The following CFAP251 variants were observed in gnomAD, a reference collection of about 807,000 sequenced individuals.
CFAP251 encodes the protein cilia- and flagella-associated protein 251.
CFAP251 carries 93 observed loss-of-function variants against 126.7 expected under a neutral mutation model. The observed-to-expected ratio is 0.73, with a 90% CI of 0.62 to 0.87. The LOEUF (loss-of-function observed/expected upper bound fraction) is 0.87, where lower values mean the gene tolerates loss of function less well. Ranked by LOEUF, CFAP251 falls within the 40% of genes least tolerant of loss-of-function variation. The pLI, the probability that CFAP251 is intolerant of heterozygous loss-of-function variation, is 0.00. For synonymous variants in CFAP251, 503 were observed against 506.9 expected (o/e 0.99, Z 0.10); for missense variants, 1,287 against 1,389.2 (o/e 0.93, Z 1.17).
chr12:121,940,167 CTG>C (rs1881052820), intron 5 of CFAP251, among the ~76,000 whole-genome samples: 1 of 152,152 alleles, frequency 6.6e-6, no homozygotes, highest in African/African-American at 2.4e-5. Context: ...GTTAGCAACT[CTG>C]GTATGTCAAA....
At chr12:121,987,910 A>G (rs1057503693) in intron 19 of CFAP251, among the ~76,000 whole-genome samples, 2 of 152,082 alleles carry the variant, frequency 1.3e-5, no homozygotes, top group African/African-American at 4.8e-5. Context: ...AAGAAGGAAG[A>G]AAACCCTAAA....
Position 121,975,330 on chromosome 12 carries a change from A to G in CFAP251, c.2858A>G (p.Tyr953Cys). 1.2e-6 allele frequency: 2 copies of G among 1,613,954 alleles called. No individual in the cohort carries two copies. Among genetic ancestry groups the G allele is most frequent in the Non-Finnish European group, 1.7e-6 (2 of 1,179,832 alleles). ...TCTGGTGGCCGGGAAGGAAAATTCT[A>G]CAGGGTAATTGTCCCTAGAGTAAAC... is the stretch of plus-strand genomic sequence containing the variant. ...LLSGGREGKF[Y>C]RELEDYFYYS... The change falls in exon 18 of 22, where the codon TAC becomes TGC. Residue 953 changes from tyrosine (Y) to cysteine (C), a missense_variant. By Grantham distance (194) the Tyr-to-Cys change is radical. Coordinates refer to ENST00000288912, the MANE Select transcript of CFAP251 (RefSeq NM_144668.6).
intron 2 of CFAP251, among the ~76,000 whole-genome samples, chr12:121,922,064 G>A (rs1314062053): frequency 6.7e-6 from 1 of 150,094 alleles, no homozygotes; most frequent in Non-Finnish European, 1.5e-5. Context: ...CAAAGTGCTA[G>A]GATTACAGGC....
At chr12:121,923,476 T>C in intron 2 of CFAP251, 146 bp from the exon 3 acceptor site, 2 of 1,107,098 alleles carry the variant, frequency 1.8e-6, no homozygotes, top group Non-Finnish European at 2.5e-6. Flanking sequence ...GTTTTTTAAG[T>C]ACAAAATGTT....
intron 1 of CFAP251, among the ~76,000 whole-genome samples, chr12:121,920,222 CTTTTTTT>C (rs1161902952): frequency 1.7e-5 from 1 of 57,912 alleles, no homozygotes. Context: ...ACAAATGTGA[CTTTTTTT>C]TTTTTTTTTT....
chr12:121,992,383 G>GA lies in CFAP251; in HGVS notation c.3007-7332dup. On this transcript the variant is annotated intron_variant, in intron 19 of 21. Coordinates refer to ENST00000288912, the MANE Select transcript of CFAP251 (RefSeq NM_144668.6). ...TGATTCTTGATCAGTCATACGGGAA[G>GA]AGAGAGTAAGAGGTGAATCACATGC... The GA allele has an allele frequency of 8.1e-6, 8 of 985,316 alleles. No individual in the cohort carries two copies. The South Asian group carries it at 3.8e-4, about 46-fold the overall frequency. The allele number at this position is 985,316 out of a possible 1,614,324, so 61.0% of individuals were successfully genotyped here.
chr12:121,996,129 A>T (rs547793589), intron 19 of CFAP251, among the ~76,000 whole-genome samples: 138 of 152,336 alleles, frequency 9.1e-4, no homozygotes, highest in African/African-American at 2.8e-3. Flanking sequence ...TTTAAGTGGG[A>T]CATGGAGAAA....
At position 121,954,325 on chromosome 12, in the gene CFAP251, C is replaced by A. The variant is rs1443640131; in HGVS notation, c.1526C>A (p.Thr509Lys). 1.2e-6 allele frequency: 2 copies of A among 1,606,666 alleles called. No homozygotes were observed. The highest frequency in any genetic ancestry group is 8.5e-7 in the Non-Finnish European group (1 of 1,176,502). ...LQKEGITVLT[T>K]IDSYIVTGDI... is the part of the protein sequence containing the mutation. ...AAAGAGGGTATCACGGTACTTACCA[C>A]AATTGATAGGTAATTTTAACTTAAT... Residue 509 changes from threonine (T) to lysine (K), a missense_variant, in exon 10 of 22, where the codon ACA becomes AAA. Thr to Lys is a moderately conservative substitution (Grantham distance 78). Coordinates refer to ENST00000288912, the MANE Select transcript of CFAP251 (RefSeq NM_144668.6).
chr12:121,924,426 CTTTTTTT>C lies in CFAP251; in HGVS notation c.747+452_747+458del, dbSNP rs59759704. ...CACCACGCCCGGCCTAGACTTGTGTCTTTTTTTTTTTTTTTTTTTTTTGGAGACACAG... is the reference window on the plus strand; with the variant it reads ...CACCACGCCCGGCCTAGACTTGTGTCTTTTTTTTTTTTTTTGGAGACACAG... On this transcript the variant is annotated intron_variant, in intron 3 of 21. Transcript: ENST00000288912. Among the ~76,000 whole-genome samples the C allele has an allele frequency of 3.8e-4, 34 of 90,286 alleles. 2 individuals carry two copies. Among genetic ancestry groups the C allele is most frequent in the African/African-American group, 1.9e-3 (34 of 17,568 alleles). The allele number at this position is 90,286 out of a possible 152,430, so 59.2% of individuals were successfully genotyped here.
intron 7 of CFAP251, among the ~76,000 whole-genome samples, chr12:121,945,124 T>C (rs1489184034): frequency 6.6e-6 from 1 of 152,060 alleles, no homozygotes; most frequent in Non-Finnish European, 1.5e-5. Context: ...GGTATTGTCA[T>C]CTATTCCCAA....
chr12:121,966,664 C>T (rs1882153010), intron 15 of CFAP251, among the ~76,000 whole-genome samples: 1 of 149,674 alleles, frequency 6.7e-6, no homozygotes, highest in South Asian at 2.1e-4. Context: ...CAGCTCACTG[C>T]AGCCTCCACC....
intron 11 of CFAP251, among the ~76,000 whole-genome samples, 163 bp from the exon 12 acceptor site, chr12:121,958,109 G>A (rs896547335): frequency 6.6e-6 from 1 of 152,184 alleles, no homozygotes; most frequent in Non-Finnish European, 1.5e-5. Context: ...ACTTGCAAAT[G>A]GAGGCTGTTG....
intron 19 of CFAP251, among the ~76,000 whole-genome samples, chr12:121,980,241 A>T (rs1377597578): frequency 6.6e-6 from 1 of 152,160 alleles, no homozygotes; most frequent in African/African-American, 2.4e-5. Flanking sequence ...CTATGACCAG[A>T]TGACAGCTAA....
At chr12:121,975,746 G>C (rs1479273823) in intron 19 of CFAP251, 61 bp downstream of exon 19, 2 of 1,506,050 alleles carry the variant, frequency 1.3e-6, no homozygotes, top group Non-Finnish European at 8.9e-7. Flanking sequence ...ACAACCTCTG[G>C]GAACAATCAT....
chr12:121,972,777 C>G (rs569177059), intron 17 of CFAP251, among the ~76,000 whole-genome samples: 6 of 152,190 alleles, frequency 3.9e-5, no homozygotes, highest in Non-Finnish European at 8.8e-5. Context: ...CATGAGCTAC[C>G]GCGCCTGGCC....
At chr12:121,983,646 C>T (rs973640084) in intron 19 of CFAP251, among the ~76,000 whole-genome samples, 2 of 152,090 alleles carry the variant, frequency 1.3e-5, no homozygotes, top group East Asian at 3.9e-4. Context: ...TATGTTCTCC[C>T]GGCTGACCCC....
Position 121,921,351 on chromosome 12 carries a change from G to A in CFAP251, c.46G>A (p.Gly16Arg), listed in dbSNP as rs750133727. 2.7e-5 allele frequency: 44 copies of A among 1,606,740 alleles called. No individual in the cohort carries two copies. The highest frequency in any genetic ancestry group is 3.4e-5 in the Non-Finnish European group (40 of 1,178,140). ...TCCCCGAGAAGCAACAGGAGAAAAT[G>A]GAGAAACAGAAATGAAAGAAGAGGA... is the stretch of plus-strand genomic sequence containing the variant. ...EAPREATGEN[G>R]ETEMKEEEEP... The change falls in exon 2 of 22, where the codon GGA becomes AGA. Residue 16 changes from glycine to arginine, a missense_variant. Transcript: ENST00000288912.
intron 9 of CFAP251, 197 bp from the exon 10 acceptor site, chr12:121,953,923 C>T: frequency 1.7e-6 from 1 of 596,354 alleles, no homozygotes; most frequent in Non-Finnish European, 2.9e-6. Context: ...TAACCCTTCA[C>T]TTGCTCTTAG....
rs1880304261 is a variant in CFAP251 at position 121,924,084 on chromosome 12, A to G, written c.747+94A>G. 4.3e-6 allele frequency: 6 copies of G among 1,384,592 alleles called. No individual in the cohort carries two copies. The East Asian group carries it at 1.2e-4, about 27-fold the overall frequency. The allele number at this position is 1,384,592 out of a possible 1,614,324, so 85.8% of individuals were successfully genotyped here. On this transcript the variant is annotated intron_variant, in intron 3 of 21. Transcript: ENST00000288912. ...ATGTTGGGGGAAAAAGAATACCACC[A>G]GAAGGATACTTTTTAAACTAATAAT...
Sources: gnomAD v4.1 joint callset for allele counts (sites outside exome capture counted in the v4.1 genomes callset) on GRCh38, gnomAD v4.1.1 for gene constraint, MANE v1.5 for transcripts, NCBI Gene and HGNC (gene_info 2026-07-23, HGNC 2026-07-21) for gene names.